FCGR2A: variants seen among roughly 807,000 people sequenced by gnomAD.
The protein encoded by FCGR2A is low affinity immunoglobulin gamma Fc region receptor II-a.
Under a neutral mutation model 29.3 loss-of-function variants are expected in FCGR2A, and 18 were observed. That is an observed-to-expected ratio of 0.62 (90% CI 0.43 to 0.91). The LOEUF (loss-of-function observed/expected upper bound fraction) is 0.91. FCGR2A is among the 40% of genes least tolerant of loss of function. The pLI is 0.00. For missense variants in FCGR2A, 287 were observed against 393.0 expected (o/e 0.73, Z 2.28); for synonymous variants, 126 against 144.8 (o/e 0.87, Z 0.93).
Position 161,505,515 on chromosome 1 carries a change from G to A in FCGR2A, c.48G>A (p.Leu16=). The part of the protein sequence containing the change: ...QMSQNVCPRN[L]WLLQPLTVLL... ...CTCAGAATGTATGTCCCAGAAACCT[G>A]TGGCTGCTTCAACCATTGACAGTTT... Residue 16 remains leucine, a synonymous_variant, in exon 1 of 7, where the codon CTG becomes CTA. Transcript: ENST00000271450. 2 of 1,614,234 alleles carry A rather than the reference G, an allele frequency of 1.2e-6. No homozygotes were observed. Among genetic ancestry groups the A allele is most frequent in the Non-Finnish European group, 1.7e-6 (2 of 1,180,028 alleles).
chr1:161,521,500 T>TA (rs1676447691), downstream of FCGR2A, among the ~76,000 whole-genome samples: 3 of 63,152 alleles, frequency 4.8e-5, no homozygotes, highest in South Asian at 5.1e-4. Context: ...GTCACTGACT[T>TA]TTATATATAT....
chr1:161,511,666 A>AG (rs1675791874), intron 5 of FCGR2A, among the ~76,000 whole-genome samples: 1 of 152,050 alleles, frequency 6.6e-6, no homozygotes, highest in African/African-American at 2.4e-5. Flanking sequence ...GCCAGAGGGA[A>AG]GGCCTGAGCT....
Position 161,518,670 on chromosome 1 carries a change from G to C in FCGR2A, c.*522G>C, listed in dbSNP as rs1483182262. The C allele has an allele frequency of 1.4e-4, 23 of 165,102 alleles. No individual in the cohort carries two copies. Among genetic ancestry groups the C allele is most frequent in the Admixed American group, 1.2e-3 (21 of 17,072 alleles). The allele number at this position is 165,102 out of a possible 1,614,324, so 10.2% of individuals were successfully genotyped here. ...CTGTTACCCAGGCTGGAGTGCAGTG[G>C]TGCTATCTTGGCTCACTGCAAACCC... is the stretch of plus-strand genomic sequence containing the variant. On this transcript the variant is annotated 3_prime_UTR_variant, in exon 7 of 7. Coordinates refer to ENST00000271450, the MANE Select transcript of FCGR2A (RefSeq NM_001136219.3).
rs912526010 is a variant in FCGR2A, at chr1:161,514,023, A to T, written c.780+91A>T. The T allele has an allele frequency of 3.2e-6, 5 of 1,585,758 alleles. No homozygotes were observed. In the African/African-American group the frequency reaches 6.7e-5, roughly 21 times the overall value. Reference sequence around the variant, plus strand: ...TTGCCTTTGTTAATGCAAAATTAAAATGGAGACTGGGCCTGAAAACTCCTG... The same window carrying T: ...TTGCCTTTGTTAATGCAAAATTAAATTGGAGACTGGGCCTGAAAACTCCTG... On this transcript the variant is annotated intron_variant, in intron 6 of 6. Coordinates refer to ENST00000271450, the MANE Select transcript of FCGR2A (RefSeq NM_001136219.3).
At chr1:161,523,481 C>A (rs1054742636), downstream of FCGR2A, 1 of 152,090 alleles carries the variant, frequency 6.6e-6, no homozygotes, top group African/African-American at 2.4e-5. Flanking sequence ...CCACCTGAGT[C>A]CTGGTCTCCA....
intron 3 of FCGR2A, among the ~76,000 whole-genome samples, chr1:161,507,329 C>G (rs1404971220): frequency 6.6e-6 from 1 of 152,124 alleles, no homozygotes; most frequent in Admixed American, 6.6e-5. Context: ...CAGTATGTTG[C>G]CCAGGCTGGT....
In FCGR2A at chr1:161,519,008, T is replaced by C. The variant is rs1046028932; in HGVS notation, c.*860T>C. On this transcript the variant is annotated 3_prime_UTR_variant, in exon 7 of 7. Transcript: ENST00000271450. ...TCCATGCTGAGAACAAAATCACCTA[T>C]TCACTGCTTATGCAGTCGGAAGCTC... The C allele has an allele frequency of 3.5e-6, 1 of 282,526 alleles. No homozygotes were observed. Among genetic ancestry groups the C allele is most frequent in the African/African-American group, 2.3e-5 (1 of 43,766 alleles). 17.5% of individuals were successfully genotyped at this position (282,526 alleles called of 1,614,324 possible). A position where few individuals can be genotyped will look rare whatever the true frequency, so the allele number is the denominator to read the frequency against.
At chr1:161,505,804 A>C in intron 1 of FCGR2A, 183 bp from the exon 2 acceptor site, 1 of 729,124 alleles carries the variant, frequency 1.4e-6, no homozygotes, top group Non-Finnish European at 2.4e-6. Context: ...GAGGAACAGG[A>C]AATGAGATAA....
At chr1:161,520,714 C>T (rs1225694227), downstream of FCGR2A, among the ~76,000 whole-genome samples, 8 of 151,862 alleles carry the variant, frequency 5.3e-5, no homozygotes, top group Admixed American at 6.6e-5. Context: ...CTGCACTCAC[C>T]CTTGCCATCC....
chr1:161,518,663 T>G lies in FCGR2A; in HGVS notation c.*515T>G, dbSNP rs532725335. Reference sequence around the variant, plus strand: ...TCTCAATCTGTTACCCAGGCTGGAGTGCAGTGGTGCTATCTTGGCTCACTG... The same window carrying G: ...TCTCAATCTGTTACCCAGGCTGGAGGGCAGTGGTGCTATCTTGGCTCACTG... On this transcript the variant is annotated 3_prime_UTR_variant, in exon 7 of 7. Coordinates refer to ENST00000271450, the MANE Select transcript of FCGR2A (RefSeq NM_001136219.3). 41 of 167,154 alleles carry G rather than the reference T, an allele frequency of 2.5e-4. No individual in the cohort carries two copies. The highest frequency in any genetic ancestry group is 9.4e-4 in the African/African-American group (39 of 41,500). The allele number at this position is 167,154 out of a possible 1,614,324, so 10.4% of individuals were successfully genotyped here. A position where few individuals can be genotyped will look rare whatever the true frequency, so the allele number is the denominator to read the frequency against.
chr1:161,506,023 G>T lies in FCGR2A; in HGVS notation c.106+16G>T, dbSNP rs1373972938. On this transcript the variant is annotated intron_variant, in intron 2 of 6. Coordinates refer to ENST00000271450, the MANE Select transcript of FCGR2A (RefSeq NM_001136219.3). ...AGTCAAGCTGGTGAGTATGCCCTTT[G>T]CTTCCTTGTATTGACAGTGTTGTAT... 12 of 1,612,792 alleles carry T rather than the reference G, an allele frequency of 7.4e-6. No individual in the cohort carries two copies. Among genetic ancestry groups the T allele is most frequent in the African/African-American group, 1.3e-5 (1 of 74,870 alleles).
intron 4 of FCGR2A, among the ~76,000 whole-genome samples, chr1:161,510,536 G>A (rs565100551): frequency 1.6e-4 from 24 of 152,310 alleles, no homozygotes; most frequent in Non-Finnish European, 2.6e-4. Context: ...CCTCCGTACT[G>A]TCCCCAGGGG....
Position 161,518,447 on chromosome 1 carries a change from A to G in FCGR2A, c.*299A>G, listed in dbSNP as rs1050399. ...CAGCCTACTAACATATAATTAGGTG[A>G]CTAGGGACTTTCTAAGAAGATACCT... On this transcript the variant is annotated 3_prime_UTR_variant, in exon 7 of 7. Transcript: ENST00000271450. The G allele has an allele frequency of 0.066, 22,547 of 340,266 alleles. No homozygotes were observed. Among genetic ancestry groups the G allele is most frequent in the East Asian group, 0.13 (2,083 of 15,838 alleles). 21.1% of individuals were successfully genotyped at this position (340,266 alleles called of 1,614,324 possible).
intron 6 of FCGR2A, 132 bp downstream of exon 6, chr1:161,514,064 C>G (rs1047256385): frequency 2.6e-5 from 33 of 1,276,470 alleles, no homozygotes; most frequent in Non-Finnish European, 1.7e-5. Context: ...ACAAAGCCAC[C>G]CAGGCCTTAG....
chr1:161,514,874 G>A (rs1676050622), intron 6 of FCGR2A: 1 of 151,774 alleles, frequency 6.6e-6, no homozygotes, highest in Admixed American at 6.6e-5. Context: ...GGAGTCCTCA[G>A]GTAGGTAAAT....
chr1:161,505,700 C>T, intron 1 of FCGR2A, 148 bp downstream of exon 1: 1 of 760,886 alleles, frequency 1.3e-6, no homozygotes. Context: ...TTAAGTGTTC[C>T]AATGGTTCCT....
At chr1:161,509,481 C>T (rs549403123) in intron 3 of FCGR2A, among the ~76,000 whole-genome samples, 9 of 152,274 alleles carry the variant, frequency 5.9e-5, no homozygotes, top group African/African-American at 1.9e-4. Context: ...TAGTAATCCC[C>T]AGACCACAAA....
rs765019224 is a variant in FCGR2A, at chr1:161,510,917, G to A, written c.703G>A (p.Val235Ile). 7.4e-6 allele frequency: 12 copies of A among 1,614,206 alleles called. No individual in the cohort carries two copies. The highest frequency in any genetic ancestry group is 3.3e-5 in the Admixed American group (2 of 60,030). Reference protein sequence around the residue: ...ATAVAAIVAAVVALIYCRKKR... With the variant: ...ATAVAAIVAAIVALIYCRKKR... ...TGCTGTAGCAGCCATTGTTGCTGCT[G>A]TAGTGGCCTTGATCTACTGCAGGAA... is the stretch of plus-strand genomic sequence containing the variant. The change falls in exon 5 of 7, where the codon GTA (valine) becomes ATA (isoleucine). Residue 235 changes from valine (V) to isoleucine (I), a missense_variant. Physicochemically the swap from Val to Ile is conservative, Grantham distance 29. Around this residue, in one of 3 missense-constraint regions of FCGR2A, gnomAD observed 72 missense variants for 68.6 expected, o/e 1.05. Coordinates refer to ENST00000271450, the MANE Select transcript of FCGR2A (RefSeq NM_001136219.3).
At chr1:161,514,545 GT>G (rs1244841643) in intron 6 of FCGR2A, 8 of 163,152 alleles carry the variant, frequency 4.9e-5, no homozygotes, top group African/African-American at 2.0e-4. Context: ...CCAGGCATAG[GT>G]ACCCATTAAG....
Sources: allele counts gnomAD v4.1 joint callset (sites outside exome capture counted in the v4.1 genomes callset), GRCh38; gene constraint gnomAD v4.1.1; regional missense constraint gnomAD v4.1.1; transcripts MANE v1.5; gene names NCBI Gene and HGNC (gene_info 2026-07-23, HGNC 2026-07-21).